SORCS3: variants seen among roughly 807,000 people sequenced by gnomAD.
The protein encoded by SORCS3 is sortilin related VPS10 domain containing receptor 3.
A neutral mutation model predicts 146.3 loss-of-function variants in SORCS3; 57 were observed. That is an observed-to-expected ratio of 0.39 (90% CI 0.31 to 0.49). The LOEUF (loss-of-function observed/expected upper bound fraction) is 0.49. SORCS3 is among the 20% of genes least tolerant of loss of function. The pLI, the probability that SORCS3 is intolerant of heterozygous loss-of-function variation, is 0.92. For missense variants in SORCS3, 1,341 were observed against 1,575.5 expected, an observed-to-expected ratio of 0.85 and a Z score of 2.52; for synonymous variants, 653 against 618.5, an observed-to-expected ratio of 1.06 and a Z score of -0.83.
chr10:104,924,165 A>G (rs2019115547), intron 3 of SORCS3, among the ~76,000 whole-genome samples: 1 of 152,106 alleles, frequency 6.6e-6, no homozygotes, highest in Non-Finnish European at 1.5e-5. Context: ...TGCATATTGG[A>G]GCTTAAAGGG....
chr10:105,109,057 T>C (rs1394819225), intron 7 of SORCS3, among the ~76,000 whole-genome samples: 1 of 152,194 alleles, frequency 6.6e-6, no homozygotes, highest in Non-Finnish European at 1.5e-5. Context: ...TGTATTTTTG[T>C]TCTAAGTGCT....
chr10:104,791,751 C>A (rs543234618), intron 1 of SORCS3, among the ~76,000 whole-genome samples: 186 of 152,218 alleles, frequency 1.2e-3, no homozygotes, highest in Non-Finnish European at 2.2e-3. Context: ...GGTGCCTGTG[C>A]TTCTCTGAGA....
At chr10:105,118,873 T>C (rs1400820753) in intron 7 of SORCS3, among the ~76,000 whole-genome samples, 2 of 152,150 alleles carry the variant, frequency 1.3e-5, no homozygotes, top group Non-Finnish European at 2.9e-5. Context: ...ATCATAAAAG[T>C]CTGGAAAATA....
At chr10:105,225,343 T>C (rs2056728043) in intron 20 of SORCS3, among the ~76,000 whole-genome samples, 1 of 152,084 alleles carries the variant, frequency 6.6e-6, no homozygotes, top group Non-Finnish European at 1.5e-5. Context: ...AATACCATTT[T>C]TGCTCCATTG....
chr10:105,092,862 C>T (rs901402740), intron 6 of SORCS3, among the ~76,000 whole-genome samples: 4 of 152,108 alleles, frequency 2.6e-5, no homozygotes, highest in African/African-American at 7.2e-5. Flanking sequence ...CTAAAATTAA[C>T]ATCATCTTGA....
intron 1 of SORCS3, among the ~76,000 whole-genome samples, chr10:104,723,180 C>A (rs1258627812): frequency 1.3e-5 from 2 of 152,170 alleles, no homozygotes; most frequent in African/African-American, 4.8e-5. Context: ...TATGTTGTGT[C>A]TTTGTTCTGG....
intron 5 of SORCS3, among the ~76,000 whole-genome samples, chr10:105,050,194 C>G (rs1015785719): frequency 4.6e-5 from 7 of 152,052 alleles, no homozygotes; most frequent in African/African-American, 1.7e-4. Context: ...AGACAGCCTC[C>G]AAGTGGGCTC....
At chr10:104,843,011 C>A in intron 2 of SORCS3, 152 bp downstream of exon 2, 2 of 653,910 alleles carry the variant, frequency 3.1e-6, no homozygotes, top group East Asian at 2.7e-5. Context: ...CTGATGGCCC[C>A]CACCTGTGAA....
intron 1 of SORCS3, among the ~76,000 whole-genome samples, chr10:104,725,148 G>T (rs1437864151): frequency 6.6e-6 from 1 of 152,108 alleles, no homozygotes; most frequent in Admixed American, 6.6e-5. Flanking sequence ...GTACAGATGG[G>T]GTTTTGTTGT....
rs542201879 is a variant in SORCS3, at chr10:104,799,049, A to G, written c.628-43743A>G. Among the ~76,000 whole-genome samples the G allele has an allele frequency of 8.1e-4, 123 of 152,340 alleles. 1 individual carries two copies. Among genetic ancestry groups the G allele is most frequent in the Admixed American group, 2.4e-3 (36 of 15,306 alleles). ...ATTCATTAAAAAGTCAGGAAACAAC[A>G]GATGCTAGAGAGGTTGTGGAGAAAT... On this transcript the variant is annotated intron_variant, in intron 1 of 26. Coordinates refer to ENST00000369701, the MANE Select transcript of SORCS3 (RefSeq NM_014978.3).
chr10:105,246,965 A>G (rs748944335), intron 21 of SORCS3, among the ~76,000 whole-genome samples: 1 of 152,218 alleles, frequency 6.6e-6, no homozygotes, highest in Non-Finnish European at 1.5e-5. Flanking sequence ...TTCATTTCAG[A>G]TAATATACAG....
chr10:104,963,619 G>C (rs1038364090), intron 3 of SORCS3, among the ~76,000 whole-genome samples: 1 of 152,028 alleles, frequency 6.6e-6, no homozygotes, highest in Admixed American at 6.6e-5. Context: ...GTGTTATTCA[G>C]ACTCTGATGT....
At chr10:105,178,355 A>C (rs919522432) in intron 14 of SORCS3, among the ~76,000 whole-genome samples, 182 bp downstream of exon 14, 3 of 152,228 alleles carry the variant, frequency 2.0e-5, no homozygotes, top group Admixed American at 6.5e-5. Flanking sequence ...AGCTACTGCC[A>C]GGATTAGGGA....
chr10:104,908,535 A>G (rs2018932873), intron 2 of SORCS3, among the ~76,000 whole-genome samples: 1 of 152,236 alleles, frequency 6.6e-6, no homozygotes. Flanking sequence ...GTTCAGAGAC[A>G]TGAAAAGCTT....
At chr10:105,030,747 T>G (rs2055261093) in intron 4 of SORCS3, among the ~76,000 whole-genome samples, 4 of 151,948 alleles carry the variant, frequency 2.6e-5, no homozygotes, top group Admixed American at 2.6e-4. Flanking sequence ...CATGTGCCAC[T>G]ATGCCTAGCT....
At chr10:105,234,129 G>C (rs2056779826) in intron 20 of SORCS3, among the ~76,000 whole-genome samples, 1 of 151,962 alleles carries the variant, frequency 6.6e-6, no homozygotes, top group Admixed American at 6.6e-5. Flanking sequence ...ACTTTTGATG[G>C]ATAATTTTGC....
intron 1 of SORCS3, among the ~76,000 whole-genome samples, chr10:104,712,008 C>T (rs534516039): frequency 1.1e-3 from 175 of 152,266 alleles, no homozygotes; most frequent in African/African-American, 3.0e-3. Context: ...CATTAGTTTT[C>T]AGGTTTTTGT....
intron 5 of SORCS3, among the ~76,000 whole-genome samples, chr10:105,083,375 G>A (rs1028794020): frequency 2.0e-5 from 3 of 151,874 alleles, no homozygotes; most frequent in African/African-American, 7.3e-5. Flanking sequence ...ACTGAATACT[G>A]CTCATGGCCT....
chr10:104,972,788 T>A (rs2054868712), intron 3 of SORCS3, among the ~76,000 whole-genome samples: 1 of 152,116 alleles, frequency 6.6e-6, no homozygotes. Flanking sequence ...TCAAAGGGAA[T>A]GCTTCCAGTT....
Sources: allele counts gnomAD v4.1 joint callset (sites outside exome capture counted in the v4.1 genomes callset), GRCh38; gene constraint gnomAD v4.1.1; transcripts MANE v1.5; gene names NCBI Gene and HGNC (gene_info 2026-07-23, HGNC 2026-07-21).